SPAST: variants seen among roughly 807,000 people sequenced by gnomAD.
The protein encoded by SPAST is spastic paraplegia 4 (autosomal dominant; spastin).
SPAST carries 30 observed loss-of-function variants against 76.6 expected under a neutral mutation model. That is an observed-to-expected ratio of 0.39 (90% CI 0.29 to 0.53). The LOEUF (loss-of-function observed/expected upper bound fraction) is 0.53. Among genes scored for constraint, SPAST ranks in the 20% least tolerant of loss-of-function variants. The pLI is 0.68. For missense variants in SPAST, 717 were observed against 770.5 expected (o/e 0.93, Z 0.82); for synonymous variants, 305 against 281.0 (o/e 1.09, Z -0.86).
intron 1 of SPAST, 82 bp downstream of exon 1, chr2:32,064,328 C>G (rs1021956990): frequency 2.3e-6 from 3 of 1,308,386 alleles, no homozygotes; most frequent in Non-Finnish European, 3.2e-6. Context: ...ACCTGCGTCC[C>G]TTTTCTGCGG....
chr2:32,073,230 G>T (rs1194879864), intron 1 of SPAST, among the ~76,000 whole-genome samples: 1 of 152,070 alleles, frequency 6.6e-6, no homozygotes, highest in Non-Finnish European at 1.5e-5. Flanking sequence ...ATGGCGTTTC[G>T]CTGTGTTGGC....
At chr2:32,102,564 G>C (rs1678166388) in intron 4 of SPAST, among the ~76,000 whole-genome samples, 1 of 152,176 alleles carries the variant, frequency 6.6e-6, no homozygotes, top group Non-Finnish European at 1.5e-5. Flanking sequence ...CAAAGGGAAT[G>C]CTTCCAGTTT....
chr2:32,066,767 A>G (rs1235691113), intron 1 of SPAST, among the ~76,000 whole-genome samples: 2 of 152,036 alleles, frequency 1.3e-5, no homozygotes, highest in East Asian at 3.9e-4. Context: ...TGAGCCCAGG[A>G]GTTTGAGACC....
At chr2:32,094,791 G>A (rs1277761871) in intron 3 of SPAST, among the ~76,000 whole-genome samples, 3 of 152,182 alleles carry the variant, frequency 2.0e-5, no homozygotes, top group East Asian at 1.9e-4. Flanking sequence ...CCAACATGGC[G>A]AAACCTTGTC....
In SPAST at chr2:32,087,545, G is replaced by A. The variant is rs1268625226; in HGVS notation, c.469G>A (p.Glu157Lys). Residue 157 changes from glutamate to lysine, a missense_variant, in exon 2 of 17, where the codon GAA becomes AAA. Glu to Lys is a moderately conservative substitution (Grantham distance 56, BLOSUM62 1). Around this residue, in one of 3 missense-constraint regions of SPAST, gnomAD observed 543 missense variants for 445.2 expected, o/e 1.22. Transcript: ENST00000315285. ...GTATAAGAAAGGTATTGAAGAACTG[G>A]AAAAAGGAATAGCTGTTATAGTTAC... Reference protein sequence around the residue: ...EWYKKGIEELEKGIAVIVTGQ... With the variant: ...EWYKKGIEELKKGIAVIVTGQ... 1 of 1,606,876 alleles carries A rather than the reference G, an allele frequency of 6.2e-7. No homozygotes were observed. Among genetic ancestry groups the A allele is most frequent in the African/African-American group, 1.3e-5 (1 of 74,686 alleles).
chr2:32,141,359 T>A (rs1241566760), intron 12 of SPAST, among the ~76,000 whole-genome samples: 1 of 152,238 alleles, frequency 6.6e-6, no homozygotes, highest in African/African-American at 2.4e-5. Context: ...AGGCTTCATA[T>A]GCTTGTTTAA....
At chr2:32,066,162 A>T (rs1240499510) in intron 1 of SPAST, 6 of 151,622 alleles carry the variant, frequency 4.0e-5, no homozygotes, top group African/African-American at 1.5e-4. Flanking sequence ...TTTAGTAGAG[A>T]TGGTGTTTCA....
chr2:32,076,135 G>A (rs564921030), intron 1 of SPAST, among the ~76,000 whole-genome samples: 2 of 150,120 alleles, frequency 1.3e-5, no homozygotes, highest in South Asian at 2.1e-4. Context: ...TCCTCGCCTC[G>A]TGTGATCCAC....
At position 32,116,110 on chromosome 2, in the gene SPAST, G is replaced by A. The variant is rs753539224; in HGVS notation, c.1005-9G>A. 1.2e-6 allele frequency: 2 copies of A among 1,604,842 alleles called. No individual in the cohort carries two copies. Among genetic ancestry groups the A allele is most frequent in the Non-Finnish European group, 1.7e-6 (2 of 1,171,808 alleles). On this transcript the variant is annotated splice_polypyrimidine_tract_variant and intron_variant, in intron 6 of 16. Coordinates refer to ENST00000315285, the MANE Select transcript of SPAST (RefSeq NM_014946.4). ...GTATCGTAGAACTAACTGAGGTCTT[G>A]TTTCTTAGTGGAACAGCTGTTAAAT...
chr2:32,112,094 A>G (rs1678637017), intron 4 of SPAST, among the ~76,000 whole-genome samples: 1 of 150,496 alleles, frequency 6.6e-6, no homozygotes, highest in Admixed American at 6.7e-5. Flanking sequence ...CTGGGATTAC[A>G]GGCACACACC....
At chr2:32,104,579 G>T (rs960332476) in intron 4 of SPAST, among the ~76,000 whole-genome samples, 2 of 152,186 alleles carry the variant, frequency 1.3e-5, no homozygotes, top group African/African-American at 4.8e-5. Context: ...TGTTTTTGCA[G>T]TGGCTTGTAC....
rs142054346 is a variant in SPAST at position 32,086,683 on chromosome 2, G to A, written c.416-809G>A. On this transcript the variant is annotated intron_variant, in intron 1 of 16. Coordinates refer to ENST00000315285, the MANE Select transcript of SPAST (RefSeq NM_014946.4). ...TGAGACAGCAGAATCGCTTGAACCCGGGAGGGGGAGGTTGCAATGAGCCGA... is the reference window on the plus strand; with the variant it reads ...TGAGACAGCAGAATCGCTTGAACCCAGGAGGGGGAGGTTGCAATGAGCCGA... 7.5e-3 allele frequency among the ~76,000 whole-genome samples: 1,132 copies of A among 151,926 alleles called. 11 individuals are homozygous for A. The highest frequency in any genetic ancestry group is 0.054 in the Middle Eastern group (16 of 294).
chr2:32,136,478 T>C lies in SPAST; in HGVS notation c.1246-85T>C, dbSNP rs1573155500. On this transcript the variant is annotated intron_variant, in intron 9 of 16. Transcript: ENST00000315285. Reference sequence around the variant, plus strand: ...TTTTAAGGAAGGGAAATTAAATTCCTGTGTGCTAGATTTTCAACATAAAAT... The same window carrying C: ...TTTTAAGGAAGGGAAATTAAATTCCCGTGTGCTAGATTTTCAACATAAAAT... 4 of 1,007,306 alleles carry C rather than the reference T, an allele frequency of 4.0e-6. No individual in the cohort carries two copies. In the East Asian group the frequency reaches 9.5e-5, roughly 24 times the overall value. 62.4% of individuals were successfully genotyped at this position (1,007,306 alleles called of 1,614,324 possible).
chr2:32,147,724 C>T lies in SPAST; in HGVS notation c.1728+466C>T, dbSNP rs565863816. On this transcript the variant is annotated intron_variant, in intron 16 of 16. Transcript: ENST00000315285. ...TCAGCTCACTGCAAGCTCTGCCTCC[C>T]GGGTTCACGCCATTCTCCTGCCTCA... Among the ~76,000 whole-genome samples, 6 of 151,056 alleles carry T rather than the reference C, an allele frequency of 4.0e-5. No homozygotes were observed. In the East Asian group the frequency reaches 7.9e-4, roughly 20 times the overall value.
At chr2:32,120,310 C>T (rs1470817901) in intron 7 of SPAST, among the ~76,000 whole-genome samples, 1 of 152,242 alleles carries the variant, frequency 6.6e-6, no homozygotes, top group East Asian at 1.9e-4. Flanking sequence ...TTAGCTCCAT[C>T]ATACCACACA....
Position 32,098,873 on chromosome 2 carries a change from A to T in SPAST, c.664A>T (p.Asn222Tyr). ...YNDSTNLACR[N>Y]GHLQSESGAV... ...TGACAGTACTAACTTGGCATGCCGC[A>T]ATGGACATCTCCAGTCAGGTGGGTT... The change falls in exon 4 of 17, where the codon AAT becomes TAT. Residue 222 changes from asparagine (N) to tyrosine (Y), a missense_variant. This residue lies in a region of SPAST where 543 missense variants were observed against 445.2 expected (regional missense o/e 1.22). Coordinates refer to ENST00000315285, the MANE Select transcript of SPAST (RefSeq NM_014946.4). The T allele has an allele frequency of 3.7e-6, 6 of 1,613,190 alleles. No homozygotes were observed. Among genetic ancestry groups the T allele is most frequent in the Non-Finnish European group, 5.1e-6 (6 of 1,179,196 alleles).
In SPAST at chr2:32,144,994, G is replaced by T. The variant is rs1349531644; in HGVS notation, c.1674G>T (p.Leu558=). The T allele has an allele frequency of 1.9e-6, 3 of 1,611,042 alleles. No individual in the cohort carries two copies. In the South Asian group the frequency reaches 3.3e-5, roughly 18 times the overall value. Residue 558 remains leucine, a synonymous_variant, in exon 15 of 17, where the codon CTG becomes CTT. Transcript: ENST00000315285. Reference sequence around the variant, plus strand: ...CAGCTTTGGCAAAAGATGCAGCACTGGGTCCTATCCGAGGTAGGTATACAA... The same window carrying T: ...CAGCTTTGGCAAAAGATGCAGCACTTGGTCCTATCCGAGGTAGGTATACAA... ...DLTALAKDAA[L]GPIRELKPEQ...
intron 16 of SPAST, among the ~76,000 whole-genome samples, chr2:32,152,089 C>T (rs1301349897): frequency 6.6e-6 from 1 of 151,918 alleles, no homozygotes; most frequent in Non-Finnish European, 1.5e-5. Context: ...AACTTTAAGT[C>T]CTTTATTATT....
intron 2 of SPAST, 111 bp downstream of exon 2, chr2:32,087,689 C>CTTTT: frequency 3.6e-6 from 1 of 279,582 alleles, no homozygotes; most frequent in South Asian, 7.5e-5. Context: ...CTTTTCTTTT[C>CTTTT]TTTTCTTTTT....
Sources: allele counts gnomAD v4.1 joint callset (sites outside exome capture counted in the v4.1 genomes callset), GRCh38; gene constraint gnomAD v4.1.1; regional missense constraint gnomAD v4.1.1; transcripts MANE v1.5; gene names NCBI Gene and HGNC (gene_info 2026-07-23, HGNC 2026-07-21).